B3GALT1: variants seen among roughly 807,000 people sequenced by gnomAD.
B3GALT1 encodes UDP-Gal:betaGlcNAc beta 1,3-galactosyltransferase, polypeptide 1.
In B3GALT1, 10 loss-of-function variants were observed where a neutral mutation model predicts 23.2. The observed-to-expected ratio is 0.43, with a 90% CI of 0.27 to 0.73. B3GALT1 has a LOEUF of 0.73. B3GALT1 is among the 30% of genes least tolerant of loss of function. The pLI is 0.21. For synonymous variants in B3GALT1, 156 were observed against 141.5 expected, an observed-to-expected ratio of 1.10 and a Z score of -0.73; for missense variants, 299 against 405.4, an observed-to-expected ratio of 0.74 and a Z score of 2.25.
intron 2 of B3GALT1, among the ~76,000 whole-genome samples, chr2:167,557,123 A>G (rs1281080788): frequency 1.3e-5 from 2 of 152,292 alleles, no homozygotes; most frequent in South Asian, 2.1e-4. Context: ...AAAGCTGGTT[A>G]TCTACATAAG....
At chr2:167,836,403 G>A (rs925985710) in intron 4 of B3GALT1, among the ~76,000 whole-genome samples, 13 of 152,270 alleles carry the variant, frequency 8.5e-5, no homozygotes, top group Admixed American at 2.0e-4. Flanking sequence ...GAGCCGATGC[G>A]ATCAACTGGA....
intron 1 of B3GALT1, among the ~76,000 whole-genome samples, chr2:167,330,894 T>A (rs1696961949): frequency 1.3e-5 from 2 of 152,280 alleles, no homozygotes. Flanking sequence ...ATGTATCAAT[T>A]TGCCTTGCTT....
At chr2:167,460,902 CT>C (rs1699249443) in intron 1 of B3GALT1, among the ~76,000 whole-genome samples, 1 of 152,158 alleles carries the variant, frequency 6.6e-6, no homozygotes, top group African/African-American at 2.4e-5. Flanking sequence ...TGTACAATTG[CT>C]TTCTAATTTT....
intron 2 of B3GALT1, among the ~76,000 whole-genome samples, chr2:167,544,279 G>A (rs921723189): frequency 1.3e-5 from 2 of 152,034 alleles, no homozygotes; most frequent in Non-Finnish European, 2.9e-5. Context: ...TTCAAGAAAA[G>A]GACAATGGAT....
chr2:167,380,524 C>T (rs1697834275), intron 1 of B3GALT1, among the ~76,000 whole-genome samples: 1 of 152,144 alleles, frequency 6.6e-6, no homozygotes, highest in Admixed American at 6.5e-5. Flanking sequence ...GAAGGCATCC[C>T]AATCTCTGGC....
At chr2:167,305,295 TGTCA>T (rs1479382261) in intron 1 of B3GALT1, among the ~76,000 whole-genome samples, 4 of 152,204 alleles carry the variant, frequency 2.6e-5, no homozygotes, top group Non-Finnish European at 4.4e-5. Context: ...CTTGGAGGAC[TGTCA>T]AAGTTTACAA....
intron 2 of B3GALT1, among the ~76,000 whole-genome samples, chr2:167,595,277 A>G (rs1684756433): frequency 6.6e-6 from 1 of 152,174 alleles, no homozygotes; most frequent in African/African-American, 2.4e-5. Flanking sequence ...CTCTGGGGGT[A>G]ATAGAGCAAA....
intron 2 of B3GALT1, among the ~76,000 whole-genome samples, chr2:167,542,576 T>C (rs1683550044): frequency 6.6e-6 from 1 of 152,164 alleles, no homozygotes; most frequent in Non-Finnish European, 1.5e-5. Flanking sequence ...AGCAGAATGC[T>C]TTTACAGAGA....
intron 1 of B3GALT1, among the ~76,000 whole-genome samples, chr2:167,392,320 A>G (rs1265298540): frequency 6.6e-6 from 1 of 152,066 alleles, no homozygotes; most frequent in East Asian, 1.9e-4. Flanking sequence ...AACAAAATCT[A>G]AATAGGGTAC....
At chr2:167,328,237 A>G (rs1291646699) in intron 1 of B3GALT1, among the ~76,000 whole-genome samples, 1 of 152,174 alleles carries the variant, frequency 6.6e-6, no homozygotes, top group Admixed American at 6.5e-5. Context: ...GACCTTGTAT[A>G]ATGAGTTAGA....
chr2:167,766,203 A>G (rs1162504531), intron 3 of B3GALT1, among the ~76,000 whole-genome samples: 1 of 152,218 alleles, frequency 6.6e-6, no homozygotes, highest in Non-Finnish European at 1.5e-5. Context: ...GAACCAGTGT[A>G]AAATAAAGGA....
intron 2 of B3GALT1, among the ~76,000 whole-genome samples, chr2:167,617,022 A>T (rs1439184716): frequency 6.6e-6 from 1 of 152,098 alleles, no homozygotes; most frequent in Admixed American, 6.6e-5. Context: ...GTTTTTGATT[A>T]CATCAAGTAA....
intron 3 of B3GALT1, among the ~76,000 whole-genome samples, chr2:167,720,312 G>A (rs1338874627): frequency 6.6e-6 from 1 of 152,058 alleles, no homozygotes; most frequent in Admixed American, 6.6e-5. Flanking sequence ...TGGTAGAGGG[G>A]ATATTATGAT....
intron 3 of B3GALT1, among the ~76,000 whole-genome samples, chr2:167,681,550 T>G (rs1018738963): frequency 6.6e-6 from 1 of 152,198 alleles, no homozygotes; most frequent in African/African-American, 2.4e-5. Context: ...CGTTTGGATT[T>G]TCCAGTGTAA....
At chr2:167,785,739 G>A (rs1162078486) in intron 3 of B3GALT1, among the ~76,000 whole-genome samples, 1 of 152,196 alleles carries the variant, frequency 6.6e-6, no homozygotes, top group Non-Finnish European at 1.5e-5. Flanking sequence ...TTCGTGCAGG[G>A]ATTTCCTTAT....
At chr2:167,826,484 T>A (rs1182054431) in intron 4 of B3GALT1, among the ~76,000 whole-genome samples, 1 of 152,210 alleles carries the variant, frequency 6.6e-6, no homozygotes, top group Non-Finnish European at 1.5e-5. Context: ...GTGCTCCCTA[T>A]GCCCCTGAGG....
rs575003059 is a variant in B3GALT1, at chr2:167,735,204, A to G, written c.-351-83468A>G. 3.9e-5 allele frequency among the ~76,000 whole-genome samples: 6 copies of G among 152,364 alleles called. No homozygotes were observed. In the East Asian group the frequency reaches 1.2e-3, roughly 29 times the overall value. Reference sequence around the variant, plus strand: ...CACAGAGAAATAGCTTAGGTCAGCTACAGTGAATATGGCAAAAGTGAAAAA... The same window carrying G: ...CACAGAGAAATAGCTTAGGTCAGCTGCAGTGAATATGGCAAAAGTGAAAAA... On this transcript the variant is annotated intron_variant, in intron 3 of 4. Coordinates refer to ENST00000392690, the MANE Select transcript of B3GALT1 (RefSeq NM_020981.4).
chr2:167,458,621 T>A (rs1256528889), intron 1 of B3GALT1, among the ~76,000 whole-genome samples: 2 of 152,198 alleles, frequency 1.3e-5, no homozygotes, highest in East Asian at 3.8e-4. Flanking sequence ...CACTTGCTAT[T>A]TTCTGTGGTT....
At chr2:167,484,337 A>C (rs1188029946) in intron 1 of B3GALT1, among the ~76,000 whole-genome samples, 6 of 152,208 alleles carry the variant, frequency 3.9e-5, no homozygotes, top group Non-Finnish European at 7.4e-5. Context: ...AAAAAGGTTT[A>C]TTTTGAGCCA....
Sources: gnomAD v4.1 joint callset for allele counts (sites outside exome capture counted in the v4.1 genomes callset) on GRCh38, gnomAD v4.1.1 for gene constraint, MANE v1.5 for transcripts, NCBI Gene and HGNC (gene_info 2026-07-23, HGNC 2026-07-21) for gene names.